The following CLMN variants were observed in gnomAD, a reference collection of about 807,000 sequenced individuals.
CLMN encodes the protein calmin, also known as calmin (calponin-like, transmembrane).
A neutral mutation model predicts 92.7 loss-of-function variants in CLMN; 57 were observed. The ratio of observed to expected loss-of-function variants is 0.61; its 90% CI spans 0.50 to 0.77. CLMN has a LOEUF of 0.77. Among genes scored for constraint, CLMN ranks in the 30% least tolerant of loss-of-function variants. The probability of loss-of-function intolerance (pLI) is 0.00; values close to 1 mark genes in which losing one functional copy is unlikely to be tolerated. For synonymous variants in CLMN, 466 were observed against 470.6 expected (o/e 0.99, Z 0.13); for missense variants, 1,158 against 1,237.5 (o/e 0.94, Z 0.96).
intron 1 of CLMN, among the ~76,000 whole-genome samples, chr14:95,276,628 C>T (rs1230811028): frequency 6.6e-6 from 1 of 152,124 alleles, no homozygotes; most frequent in African/African-American, 2.4e-5. Flanking sequence ...TTTCCCTTTC[C>T]CATCTTTTTC....
At chr14:95,213,643 C>T (rs1897255257) in intron 5 of CLMN, among the ~76,000 whole-genome samples, 2 of 152,060 alleles carry the variant, frequency 1.3e-5, no homozygotes, top group Admixed American at 6.5e-5. Context: ...ATAGGGAGGA[C>T]CGTCTTTTCC....
At chr14:95,239,267 A>C (rs7144864) in intron 1 of CLMN, among the ~76,000 whole-genome samples, 20,724 of 152,156 alleles carry the variant, frequency 0.14, 2,471 homozygotes, top group African/African-American at 0.31. Flanking sequence ...AGGCATAAAT[A>C]CTAAGACATA....
In CLMN at chr14:95,210,716, G is replaced by A. The variant is rs1163190555; in HGVS notation, c.772C>T (p.Leu258=). 3.7e-6 allele frequency: 6 copies of A among 1,609,070 alleles called. No individual in the cohort carries two copies. Among genetic ancestry groups the A allele is most frequent in the Non-Finnish European group, 3.4e-6 (4 of 1,177,894 alleles). ...GGCTCCAGGAGCCTGGGGATGTGCA[G>A]GGCATCCTGTGCGATGCTGAAAGCC... ...EKAFSIAQDA[L]HIPRLLEPED... The change falls in exon 7 of 13, where the codon CTG becomes TTG. Residue 258 remains leucine, a synonymous_variant. Coordinates refer to ENST00000298912, the MANE Select transcript of CLMN (RefSeq NM_024734.4).
intron 1 of CLMN, among the ~76,000 whole-genome samples, chr14:95,303,550 C>A (rs1901148599): frequency 6.6e-6 from 1 of 152,226 alleles, no homozygotes; most frequent in Admixed American, 6.5e-5. Context: ...CGCCTTGGGA[C>A]CTCAACCACG....
chr14:95,298,828 G>A (rs1475839180), intron 1 of CLMN, among the ~76,000 whole-genome samples: 1 of 152,094 alleles, frequency 6.6e-6, no homozygotes, highest in Non-Finnish European at 1.5e-5. Flanking sequence ...AGGAAGAAAG[G>A]GAGTTTAGAG....
In CLMN at chr14:95,245,204, T is replaced by C. The variant is rs1342398008; in HGVS notation, c.83-15071A>G. ...TATATATATATATATAATATATATA[T>C]ATATTATATATATATATATATTATA... On this transcript the variant is annotated intron_variant, in intron 1 of 12. Coordinates refer to ENST00000298912, the MANE Select transcript of CLMN (RefSeq NM_024734.4). Among the ~76,000 whole-genome samples the C allele has an allele frequency of 3.4e-4, 8 of 23,598 alleles. 1 individual carries two copies. The highest frequency in any genetic ancestry group is 0.045 in the Middle Eastern group (2 of 44). 15.5% of individuals were successfully genotyped at this position (23,598 alleles called of 152,430 possible).
At chr14:95,204,538 G>A in intron 8 of CLMN, 75 bp from the exon 9 acceptor site, 1 of 1,327,618 alleles carries the variant, frequency 7.5e-7, no homozygotes, top group Non-Finnish European at 1.0e-6. Flanking sequence ...AGAGCAACAT[G>A]AGTAAGAAGA....
intron 9 of CLMN, among the ~76,000 whole-genome samples, chr14:95,198,049 T>C (rs975915967): frequency 2.9e-5 from 4 of 139,528 alleles, no homozygotes; most frequent in Admixed American, 7.0e-5. Flanking sequence ...TTTCTTTTTT[T>C]TTTTTTTTTT....
chr14:95,195,412 C>T (rs1037526624), intron 10 of CLMN, among the ~76,000 whole-genome samples: 5 of 152,228 alleles, frequency 3.3e-5, no homozygotes, highest in African/African-American at 1.2e-4. Flanking sequence ...GGCCCTCCTC[C>T]CCCTGCCTCT....
At chr14:95,253,213 G>A (rs1322857446) in intron 1 of CLMN, among the ~76,000 whole-genome samples, 4 of 152,212 alleles carry the variant, frequency 2.6e-5, no homozygotes, top group Non-Finnish European at 5.9e-5. Context: ...GGAAGCTTCT[G>A]CCTGCACGAA....
chr14:95,217,423 C>T (rs2140607974), intron 4 of CLMN, among the ~76,000 whole-genome samples: 1 of 152,308 alleles, frequency 6.6e-6, no homozygotes, highest in East Asian at 1.9e-4. Context: ...TCCCAAGCTG[C>T]AGTCTGTTTT....
intron 1 of CLMN, among the ~76,000 whole-genome samples, chr14:95,315,061 C>CCCACTGCTGTGTGCT (rs909985467): frequency 3.3e-5 from 5 of 152,158 alleles, no homozygotes; most frequent in African/African-American, 4.8e-5. Flanking sequence ...AGCATCCCAT[C>CCCACTGCTGTGTGCT]CCACTGCTGT....
At chr14:95,269,964 T>C (rs753628988) in intron 1 of CLMN, among the ~76,000 whole-genome samples, 8 of 152,132 alleles carry the variant, frequency 5.3e-5, no homozygotes, top group Non-Finnish European at 1.0e-4. Flanking sequence ...ACTTCTACTA[T>C]GTTAAACCAC....
chr14:95,260,010 G>A (rs1045898443), intron 1 of CLMN, among the ~76,000 whole-genome samples: 24 of 152,274 alleles, frequency 1.6e-4, no homozygotes, highest in African/African-American at 5.5e-4. Context: ...TAAGATAGGG[G>A]TGGCACTTCC....
intron 1 of CLMN, among the ~76,000 whole-genome samples, chr14:95,314,000 G>A (rs1426671459): frequency 1.3e-5 from 2 of 152,250 alleles, no homozygotes; most frequent in Admixed American, 6.5e-5. Context: ...CTGCTCTGAT[G>A]CAAAGTCGTG....
At chr14:95,281,915 C>T (rs906793740) in intron 1 of CLMN, among the ~76,000 whole-genome samples, 2 of 152,150 alleles carry the variant, frequency 1.3e-5, no homozygotes, top group Non-Finnish European at 2.9e-5. Context: ...CAGATGAAGG[C>T]AGAAAGAGAG....
intron 4 of CLMN, among the ~76,000 whole-genome samples, chr14:95,217,023 G>A (rs942772852): frequency 4.6e-5 from 7 of 152,144 alleles, no homozygotes; most frequent in South Asian, 4.1e-4. Flanking sequence ...GACACAGATC[G>A]GGTCTCTGCA....
Position 95,257,601 on chromosome 14 carries a change from G to A in CLMN, c.83-27468C>T, listed in dbSNP as rs368611070. Among the ~76,000 whole-genome samples the A allele has an allele frequency of 3.1e-4, 47 of 152,364 alleles. No homozygotes were observed. In the South Asian group the frequency reaches 9.3e-3, roughly 30 times the overall value. ...CTAAAGGTGCTCAGGCACACACCTG[G>A]TTTAATTCTTTCAACGACAACGTGT... On this transcript the variant is annotated intron_variant, in intron 1 of 12. Coordinates refer to ENST00000298912, the MANE Select transcript of CLMN (RefSeq NM_024734.4).
At chr14:95,319,662 G>T (rs759515177) in intron 1 of CLMN, 49 bp downstream of exon 1, 5 of 1,491,820 alleles carry the variant, frequency 3.4e-6, no homozygotes, top group Non-Finnish European at 4.5e-6. Flanking sequence ...GCGGCGCCCC[G>T]GGCCCCCCGA....
Sources: allele counts gnomAD v4.1 joint callset (sites outside exome capture counted in the v4.1 genomes callset), GRCh38; gene constraint gnomAD v4.1.1; transcripts MANE v1.5; gene names NCBI Gene and HGNC (gene_info 2026-07-23, HGNC 2026-07-21).